The following PRDM16 variants were observed in gnomAD, a reference collection of about 807,000 sequenced individuals.
PRDM16 encodes the protein PR/SET domain 16.
Under a neutral mutation model 110.6 loss-of-function variants are expected in PRDM16, and 23 were observed. That is an observed-to-expected ratio of 0.21 (90% CI 0.15 to 0.29). The LOEUF is 0.29. Ranked by LOEUF, PRDM16 falls within the 10% of genes least tolerant of loss-of-function variation. The probability of loss-of-function intolerance (pLI) is 1.00; values close to 1 mark genes in which losing one functional copy is unlikely to be tolerated. For synonymous variants in PRDM16, 799 were observed against 781.8 expected, an observed-to-expected ratio of 1.02 and a Z score of -0.37; for missense variants, 1,615 against 1,794.3, an observed-to-expected ratio of 0.90 and a Z score of 1.81.
intron 1 of PRDM16, among the ~76,000 whole-genome samples, chr1:3,103,518 T>C (rs1298355970): frequency 1.3e-5 from 2 of 152,240 alleles, no homozygotes; most frequent in African/African-American, 4.8e-5. Context: ...AGTGGCTCTT[T>C]GTTCCGGGTC....
chr1:3,407,300 C>T (rs1643578837), intron 8 of PRDM16, among the ~76,000 whole-genome samples: 1 of 152,242 alleles, frequency 6.6e-6, no homozygotes, highest in Non-Finnish European at 1.5e-5. Flanking sequence ...TGACTCCGCC[C>T]CCAGCCTAAC....
At chr1:3,152,243 G>A (rs2100725482) in intron 1 of PRDM16, among the ~76,000 whole-genome samples, 1 of 152,280 alleles carries the variant, frequency 6.6e-6, no homozygotes, top group East Asian at 1.9e-4. Flanking sequence ...TGCCAAGTTA[G>A]GCCCCATTTG....
intron 1 of PRDM16, among the ~76,000 whole-genome samples, chr1:3,105,985 T>C (rs547958716): frequency 1.3e-5 from 2 of 150,832 alleles, no homozygotes; most frequent in South Asian, 4.2e-4. Flanking sequence ...GCAGGACATG[T>C]CCTGAAAGCT....
At chr1:3,147,485 T>C (rs934689326) in intron 1 of PRDM16, among the ~76,000 whole-genome samples, 14 of 152,122 alleles carry the variant, frequency 9.2e-5, no homozygotes, top group African/African-American at 3.1e-4. Context: ...TGTCCGACTG[T>C]GGACTCCGTC....
intron 2 of PRDM16, among the ~76,000 whole-genome samples, chr1:3,231,089 G>A (rs925199042): frequency 3.9e-5 from 6 of 152,158 alleles, no homozygotes; most frequent in African/African-American, 1.2e-4. Flanking sequence ...CGGGGTCAAT[G>A]TGCCTCCAAT....
chr1:3,423,163 C>A (rs778541815), intron 12 of PRDM16, among the ~76,000 whole-genome samples: 2 of 152,152 alleles, frequency 1.3e-5, no homozygotes, highest in African/African-American at 4.8e-5. Context: ...CTCGGCCAGG[C>A]GTGGGAGAGG....
chr1:3,381,188 G>A (rs1301750356), intron 3 of PRDM16, among the ~76,000 whole-genome samples: 1 of 152,108 alleles, frequency 6.6e-6, no homozygotes, highest in African/African-American at 2.4e-5. Flanking sequence ...ATGCACAGGT[G>A]CACCCACACA....
intron 1 of PRDM16, among the ~76,000 whole-genome samples, chr1:3,147,355 C>T (rs1010623466): frequency 3.3e-5 from 5 of 151,992 alleles, no homozygotes; most frequent in East Asian, 1.9e-4. Flanking sequence ...GCCTGTTTGC[C>T]GTCCCTGTCC....
At chr1:3,409,163 G>C (rs1019641622) in intron 8 of PRDM16, among the ~76,000 whole-genome samples, 3 of 151,514 alleles carry the variant, frequency 2.0e-5, no homozygotes, top group Admixed American at 6.6e-5. Flanking sequence ...GTGTGAGTGA[G>C]TGTGGGCACG....
chr1:3,270,983 G>C (rs1413335633), intron 3 of PRDM16, among the ~76,000 whole-genome samples: 2 of 152,308 alleles, frequency 1.3e-5, no homozygotes, highest in Admixed American at 1.3e-4. Flanking sequence ...AGGACAGTGT[G>C]GGCCCTGTTC....
chr1:3,097,620 A>T (rs1642435363), intron 1 of PRDM16, among the ~76,000 whole-genome samples: 1 of 152,038 alleles, frequency 6.6e-6, no homozygotes, highest in African/African-American at 2.4e-5. Flanking sequence ...CTGCCCTCTC[A>T]TCTCCAGCCT....
rs149377910 is a variant in PRDM16 at position 3,249,994 on chromosome 1, A to C, written c.438+5857A>C. ...GTGTAAGGCGGCCCAGGCAGCAGAAAGTCGGAAAGCACCGCCCACACCATC... is the reference window on the plus strand; with the variant it reads ...GTGTAAGGCGGCCCAGGCAGCAGAACGTCGGAAAGCACCGCCCACACCATC... On this transcript the variant is annotated intron_variant, in intron 3 of 16. Transcript: ENST00000270722. 4.6e-3 allele frequency among the ~76,000 whole-genome samples: 702 copies of C among 152,280 alleles called. 3 individuals are homozygous for C. Among genetic ancestry groups the C allele is most frequent in the African/African-American group, 0.016 (665 of 41,558 alleles).
At chr1:3,410,469 G>A (rs1382295960) in intron 8 of PRDM16, among the ~76,000 whole-genome samples, 2 of 152,132 alleles carry the variant, frequency 1.3e-5, no homozygotes, top group Non-Finnish European at 2.9e-5. Flanking sequence ...GCTCCTGCCC[G>A]GGGTGACCTC....
intron 1 of PRDM16, among the ~76,000 whole-genome samples, chr1:3,135,381 T>G (rs929256624): frequency 4.6e-5 from 7 of 152,144 alleles, no homozygotes; most frequent in Admixed American, 1.3e-4. Flanking sequence ...CCCGACATTT[T>G]CTCAAGAAAA....
intron 2 of PRDM16, among the ~76,000 whole-genome samples, chr1:3,236,218 G>C (rs1486636939): frequency 6.6e-6 from 1 of 152,034 alleles, no homozygotes; most frequent in Admixed American, 6.5e-5. Flanking sequence ...AGGCCAGGGG[G>C]ACCCCACAGT....
chr1:3,100,902 G>A (rs1642517013), intron 1 of PRDM16, among the ~76,000 whole-genome samples: 1 of 152,146 alleles, frequency 6.6e-6, no homozygotes, highest in Non-Finnish European at 1.5e-5. Context: ...CCCCCGGGGA[G>A]GAGCTTGTTC....
At chr1:3,403,373 C>T (rs1401309986) in intron 6 of PRDM16, among the ~76,000 whole-genome samples, 2 of 152,224 alleles carry the variant, frequency 1.3e-5, no homozygotes, top group African/African-American at 2.4e-5. Flanking sequence ...GCCGCTAAGC[C>T]CAAGGCTACT....
intron 1 of PRDM16, among the ~76,000 whole-genome samples, chr1:3,103,477 T>C (rs559115968): frequency 6.6e-6 from 1 of 152,132 alleles, no homozygotes; most frequent in Admixed American, 6.5e-5. Flanking sequence ...GGGGACCCAG[T>C]GCCCTTCCTC....
At chr1:3,342,013 G>T (rs1642282736) in intron 3 of PRDM16, among the ~76,000 whole-genome samples, 1 of 152,232 alleles carries the variant, frequency 6.6e-6, no homozygotes, top group Admixed American at 6.5e-5. Flanking sequence ...GTAAGGATGG[G>T]AAAGACCATG....
Sources: allele counts gnomAD v4.1 joint callset (sites outside exome capture counted in the v4.1 genomes callset), GRCh38; gene constraint gnomAD v4.1.1; transcripts MANE v1.5; gene names NCBI Gene and HGNC (gene_info 2026-07-23, HGNC 2026-07-21).